The following ZNF704 variants were observed in gnomAD, a reference collection of about 807,000 sequenced individuals.
The protein encoded by ZNF704 is zinc finger protein 704, also known as glucocorticoid induced gene 1.
ZNF704 carries 10 observed loss-of-function variants against 44.7 expected under a neutral mutation model. That is an observed-to-expected ratio of 0.22 (90% CI 0.14 to 0.38). ZNF704 has a LOEUF of 0.38. ZNF704 is among the 10% of genes least tolerant of loss of function. ZNF704 has a pLI of 1.00. For synonymous variants in ZNF704, 211 were observed against 207.6 expected, an observed-to-expected ratio of 1.02 and a Z score of -0.14; for missense variants, 390 against 545.5, an observed-to-expected ratio of 0.71 and a Z score of 2.84.
At chr8:80,684,734 A>G (rs562316116) in intron 4 of ZNF704, among the ~76,000 whole-genome samples, 14 of 152,326 alleles carry the variant, frequency 9.2e-5, no homozygotes, top group Admixed American at 6.5e-5. Flanking sequence ...TTGCCTTTTT[A>G]CACATCAATT....
chr8:80,696,823 C>T (rs560201204), intron 2 of ZNF704, among the ~76,000 whole-genome samples: 5 of 152,304 alleles, frequency 3.3e-5, no homozygotes, highest in African/African-American at 9.6e-5. Flanking sequence ...ACACCTTACC[C>T]ACGTAGCCTG....
intron 2 of ZNF704, among the ~76,000 whole-genome samples, chr8:80,780,716 G>T (rs1388369386): frequency 2.0e-5 from 3 of 152,076 alleles, no homozygotes; most frequent in African/African-American, 7.2e-5. Context: ...CTGCAGTGAG[G>T]TACTAACAAG....
rs1289352945 is a variant in ZNF704 at position 80,632,199 on chromosome 8, A to G, written c.*9167T>C. On this transcript the variant is annotated 3_prime_UTR_variant, in exon 9 of 9. Coordinates refer to ENST00000327835, the MANE Select transcript of ZNF704 (RefSeq NM_001033723.3). ...AAAGGAAATTTCCTTCCTTAATGGT[A>G]GTCTCACCCCAGGTGCAGCAGTGAA... The G allele has an allele frequency of 6.6e-6, 1 of 152,160 alleles. No homozygotes were observed. Among genetic ancestry groups the G allele is most frequent in the Non-Finnish European group, 1.5e-5 (1 of 68,038 alleles). The allele number at this position is 152,160 out of a possible 1,614,324, so 9.4% of individuals were successfully genotyped here.
chr8:80,869,407 A>T (rs1476169414), intron 1 of ZNF704, among the ~76,000 whole-genome samples: 1 of 152,124 alleles, frequency 6.6e-6, no homozygotes, highest in Admixed American at 6.6e-5. Context: ...TCAGCTGATG[A>T]CCTTCCTTTC....
At chr8:80,664,430 C>T (rs1275103969) in intron 6 of ZNF704, among the ~76,000 whole-genome samples, 1 of 152,074 alleles carries the variant, frequency 6.6e-6, no homozygotes, top group Non-Finnish European at 1.5e-5. Context: ...TGCCACCACA[C>T]CCAGCTAATT....
chr8:80,805,189 C>T (rs78372783), intron 2 of ZNF704, among the ~76,000 whole-genome samples: 5,142 of 152,210 alleles, frequency 0.034, 285 homozygotes, highest in African/African-American at 0.12. Context: ...GGACCCATCT[C>T]GTCACTTAAC....
rs780264820 is a variant in ZNF704, at chr8:80,709,442, CAAAAAAAAAAAAAAAAAA to C, written c.222-16353_222-16336del. ...TTGGCAACAGTGCGAGACTCCATCT[CAAAAAAAAAAAAAAAAAA>C]AAAAAAAAAAAAAGCAGTAATGGCA... is the stretch of plus-strand genomic sequence containing the variant. On this transcript the variant is annotated intron_variant, in intron 2 of 8. Coordinates refer to ENST00000327835, the MANE Select transcript of ZNF704 (RefSeq NM_001033723.3). Among the ~76,000 whole-genome samples, 32 of 15,886 alleles carry C rather than the reference CAAAAAAAAAAAAAAAAAA, an allele frequency of 2.0e-3. No individual in the cohort carries two copies. In the East Asian group the frequency reaches 0.12, roughly 59 times the overall value. 10.4% of individuals were successfully genotyped at this position (15,886 alleles called of 152,430 possible). A position where few individuals can be genotyped will look rare whatever the true frequency, so the allele number is the denominator to read the frequency against.
intron 5 of ZNF704, among the ~76,000 whole-genome samples, chr8:80,669,089 C>T (rs11989565): frequency 6.4e-4 from 97 of 152,290 alleles, no homozygotes; most frequent in Middle Eastern, 3.4e-3. Context: ...AGGACTAACA[C>T]GTGATACCAA....
chr8:80,825,384 A>C (rs989274044), intron 1 of ZNF704, among the ~76,000 whole-genome samples: 26 of 152,234 alleles, frequency 1.7e-4, no homozygotes, highest in African/African-American at 5.5e-4. Flanking sequence ...AACTATCCTA[A>C]ATATTTATAT....
intron 7 of ZNF704, among the ~76,000 whole-genome samples, chr8:80,658,517 C>T (rs1818051345): frequency 1.3e-5 from 2 of 152,212 alleles, no homozygotes; most frequent in African/African-American, 2.4e-5. Flanking sequence ...AACAAGGTCA[C>T]TCTTGCAGAG....
chr8:80,754,235 C>T (rs957709022), intron 2 of ZNF704, among the ~76,000 whole-genome samples: 16 of 151,984 alleles, frequency 1.1e-4, no homozygotes, highest in Non-Finnish European at 1.9e-4. Flanking sequence ...AGAATACTAA[C>T]GGGACAGCCA....
At chr8:80,872,923 G>A (rs1809278616) in intron 1 of ZNF704, among the ~76,000 whole-genome samples, 1 of 152,120 alleles carries the variant, frequency 6.6e-6, no homozygotes, top group South Asian at 2.1e-4. Context: ...TGGAAACACG[G>A]GAGGGCGAGG....
chr8:80,772,793 C>T (rs1563548198), intron 2 of ZNF704, among the ~76,000 whole-genome samples: 1 of 151,928 alleles, frequency 6.6e-6, no homozygotes, highest in South Asian at 2.1e-4. Flanking sequence ...CCTTTGTTTG[C>T]TTTGTGTTTA....
rs201438332 is a variant in ZNF704 at position 80,688,910 on chromosome 8, C to T, written c.326-1452G>A. Among the ~76,000 whole-genome samples, 9 of 140,716 alleles carry T rather than the reference C, an allele frequency of 6.4e-5. No individual in the cohort carries two copies. In the East Asian group the frequency reaches 1.9e-3, roughly 30 times the overall value. The allele number at this position is 140,716 out of a possible 152,430, so 92.3% of individuals were successfully genotyped here. The stretch of plus-strand genomic sequence containing the variant: ...GGAGGCGGAGGTTGCAGTGAGCTGA[C>T]ATGGTGCCACTGCACTCCAGCCTGG... On this transcript the variant is annotated intron_variant, in intron 3 of 8. Coordinates refer to ENST00000327835, the MANE Select transcript of ZNF704 (RefSeq NM_001033723.3).
rs534650454 is a variant in ZNF704, at chr8:80,723,370, G to A, written c.222-30263C>T. Among the ~76,000 whole-genome samples the A allele has an allele frequency of 8.5e-5, 13 of 152,166 alleles. No individual in the cohort carries two copies. The East Asian group carries it at 1.2e-3, about 14-fold the overall frequency. ...TCATACCAGAAAAAAACGTTAAACC[G>A]TCAGGATTATATAGTCAAAGGAAAT... On this transcript the variant is annotated intron_variant, in intron 2 of 8. Transcript: ENST00000327835.
chr8:80,830,223 A>G (rs1808447241), intron 1 of ZNF704, among the ~76,000 whole-genome samples: 1 of 152,276 alleles, frequency 6.6e-6, no homozygotes, highest in Admixed American at 6.5e-5. Flanking sequence ...GAATTTTAAG[A>G]CAGGAGGTAA....
chr8:80,741,925 C>T (rs756254148), intron 2 of ZNF704, among the ~76,000 whole-genome samples: 11 of 152,282 alleles, frequency 7.2e-5, no homozygotes, highest in Middle Eastern at 3.4e-3. Flanking sequence ...TAATAGCCCT[C>T]ACTCGGGCAT....
intron 2 of ZNF704, among the ~76,000 whole-genome samples, chr8:80,798,258 A>AT (rs555454839): frequency 0.091 from 13,004 of 143,094 alleles, 656 homozygotes; most frequent in Non-Finnish European, 0.12. Flanking sequence ...TAGTGTCCAT[A>AT]TTTTTTTTTT....
intron 1 of ZNF704, among the ~76,000 whole-genome samples, chr8:80,826,194 GA>G (rs1178245978): frequency 6.6e-6 from 1 of 151,998 alleles, no homozygotes; most frequent in Admixed American, 6.6e-5. Flanking sequence ...GACTAACAAA[GA>G]AGAAAAGAGA....
Sources: allele counts gnomAD v4.1 joint callset (sites outside exome capture counted in the v4.1 genomes callset), GRCh38; gene constraint gnomAD v4.1.1; transcripts MANE v1.5; gene names NCBI Gene and HGNC (gene_info 2026-07-23, HGNC 2026-07-21).